Variants in CPE observed in about 807,000 individuals in gnomAD.
CPE encodes carboxypeptidase E.
Under a neutral mutation model 53.5 loss-of-function variants are expected in CPE, and 17 were observed. The observed-to-expected ratio is 0.32, with a 90% confidence interval of 0.22 to 0.48. The LOEUF is 0.48. Ranked by LOEUF, CPE falls within the 20% of genes least tolerant of loss-of-function variation. The pLI, the probability that CPE is intolerant of heterozygous loss-of-function variation, is 0.99. For missense variants in CPE, 524 were observed against 614.7 expected (o/e 0.85, Z 1.56); for synonymous variants, 226 against 228.8 (o/e 0.99, Z 0.11).
At chr4:165,488,035 C>T (rs572532062) in intron 6 of CPE, among the ~76,000 whole-genome samples, 1 of 152,200 alleles carries the variant, frequency 6.6e-6, no homozygotes, top group East Asian at 1.9e-4. Context: ...CCTCATCTTT[C>T]TCACCCTAGA....
In CPE at chr4:165,493,235, T is replaced by C; in HGVS notation, c.1178T>C (p.Ile393Thr). The C allele has an allele frequency of 6.2e-7, 1 of 1,614,080 alleles. No homozygotes were observed. The highest frequency in any genetic ancestry group is 8.5e-7 in the Non-Finnish European group (1 of 1,179,948). The change falls in exon 7 of 9, where the codon ATC (isoleucine) becomes ACC (threonine). Residue 393 changes from isoleucine to threonine, a missense_variant. By Grantham distance (89) the Ile-to-Thr change is moderately conservative (BLOSUM62 -1). Transcript: ENST00000402744. ...LQGNPIANAT[I>T]SVEGIDHDVT... ...GGTAACCCAATTGCGAATGCCACCA[T>C]CTCCGTGGAAGGAATAGACCACGAT...
At chr4:165,461,963 G>A (rs150526711) in intron 1 of CPE, among the ~76,000 whole-genome samples, 129 of 152,216 alleles carry the variant, frequency 8.5e-4, no homozygotes, top group African/African-American at 3.0e-3. Context: ...TTTTATTTCC[G>A]TACATTAGTA....
intron 1 of CPE, among the ~76,000 whole-genome samples, chr4:165,449,502 T>C (rs1324718861): frequency 6.6e-6 from 1 of 152,152 alleles, no homozygotes; most frequent in Non-Finnish European, 1.5e-5. Flanking sequence ...ATGAGCGATA[T>C]GTAGATAGGA....
chr4:165,425,862 T>C (rs1007716269), intron 1 of CPE, among the ~76,000 whole-genome samples: 1 of 152,184 alleles, frequency 6.6e-6, no homozygotes, highest in African/African-American at 2.4e-5. Context: ...TAGATGCTGC[T>C]AAATATCCTA....
intron 1 of CPE, among the ~76,000 whole-genome samples, chr4:165,436,459 A>G (rs192399702): frequency 7.9e-5 from 12 of 152,300 alleles, no homozygotes; most frequent in Admixed American, 2.6e-4. Context: ...AGCATGATCT[A>G]TGTAATCAAT....
Position 165,402,495 on chromosome 4 carries a change from T to C in CPE, c.307+22967T>C, listed in dbSNP as rs139803855. On this transcript the variant is annotated intron_variant, in intron 1 of 8. Coordinates refer to ENST00000402744, the MANE Select transcript of CPE (RefSeq NM_001873.4). ...CGGAGCCTGTTGGGAGGTGTTTGGA[T>C]CACAGGGGCAGATTCTTCTTGAATG... 4.6e-4 allele frequency among the ~76,000 whole-genome samples: 70 copies of C among 152,292 alleles called. 1 individual carries two copies. The highest frequency in any genetic ancestry group is 1.5e-3 in the African/African-American group (61 of 41,560).
chr4:165,468,627 C>T (rs373801341), intron 3 of CPE, among the ~76,000 whole-genome samples: 2 of 152,196 alleles, frequency 1.3e-5, no homozygotes, highest in African/African-American at 2.4e-5. Context: ...GCGATTTGAT[C>T]TCTCTGACAC....
intron 1 of CPE, among the ~76,000 whole-genome samples, chr4:165,459,618 T>G (rs1176120437): frequency 7.9e-6 from 1 of 126,170 alleles, no homozygotes; most frequent in Admixed American, 9.6e-5. Context: ...AAAAAGAAAA[T>G]GAAGGCCGGG....
chr4:165,464,481 C>T lies in CPE; in HGVS notation c.399C>T (p.Asn133=). 1 of 1,613,918 alleles carries T rather than the reference C, an allele frequency of 6.2e-7. No homozygotes were observed. Among genetic ancestry groups the T allele is most frequent in the South Asian group, 1.1e-5 (1 of 91,060 alleles). ...TTTTCTTGGCCCAGTACCTATGCAA[C>T]GAATACCAGAAGGGGAACGAGACAA... ...LLIFLAQYLC[N]EYQKGNETIV... Residue 133 remains asparagine (N), a synonymous_variant, in exon 2 of 9, where the codon AAC becomes AAT. Coordinates refer to ENST00000402744, the MANE Select transcript of CPE (RefSeq NM_001873.4).
intron 1 of CPE, among the ~76,000 whole-genome samples, chr4:165,421,672 G>A (rs1459277867): frequency 1.3e-5 from 2 of 152,000 alleles, no homozygotes; most frequent in Non-Finnish European, 2.9e-5. Flanking sequence ...CTTAAAGTTT[G>A]ATTTAGGCTA....
At chr4:165,442,041 T>G (rs1168053687) in intron 1 of CPE, among the ~76,000 whole-genome samples, 4 of 104,700 alleles carry the variant, frequency 3.8e-5, no homozygotes, top group East Asian at 3.3e-4. Context: ...TTTTTGTTTT[T>G]TTTTTGTTTT....
At chr4:165,405,296 G>C in intron 1 of CPE, 1 of 1,193,038 alleles carries the variant, frequency 8.4e-7, no homozygotes, top group Middle Eastern at 2.5e-4. Flanking sequence ...CTTCTGTGGA[G>C]CTCCAGATGT....
intron 1 of CPE, among the ~76,000 whole-genome samples, chr4:165,431,259 C>A (rs75032204): frequency 7.9e-5 from 12 of 152,340 alleles, no homozygotes; most frequent in Non-Finnish European, 1.6e-4. Flanking sequence ...GTACGTGATG[C>A]CACCTGGGTT....
chr4:165,464,648 A>T, intron 2 of CPE, 62 bp downstream of exon 2: 2 of 1,394,820 alleles, frequency 1.4e-6, no homozygotes, highest in Non-Finnish European at 1.9e-6. Context: ...TTGTACATAC[A>T]TGTTTATCTA....
chr4:165,477,885 C>A (rs753349778), intron 3 of CPE, among the ~76,000 whole-genome samples: 36 of 152,178 alleles, frequency 2.4e-4, no homozygotes, highest in Non-Finnish European at 2.9e-5. Context: ...GATCCATGCT[C>A]TCCTTGTTCT....
chr4:165,404,528 T>C (rs1481150837), intron 1 of CPE: 1 of 855,978 alleles, frequency 1.2e-6, no homozygotes, highest in Non-Finnish European at 2.0e-6. Context: ...ACCTCCAAAC[T>C]GCTCCCCAAA....
At chr4:165,465,884 T>G (rs1464279287) in intron 2 of CPE, among the ~76,000 whole-genome samples, 3 of 152,206 alleles carry the variant, frequency 2.0e-5, no homozygotes, top group African/African-American at 7.2e-5. Context: ...GCAATGAATA[T>G]TTTACTTAAA....
chr4:165,381,014 A>G (rs1178645191), intron 1 of CPE, among the ~76,000 whole-genome samples: 1 of 152,236 alleles, frequency 6.6e-6, no homozygotes, highest in African/African-American at 2.4e-5. Context: ...AAGCTAATGT[A>G]AGTATTTGTG....
chr4:165,391,910 A>G (rs17046389), intron 1 of CPE, among the ~76,000 whole-genome samples: 25,756 of 151,952 alleles, frequency 0.17, 2,315 homozygotes, highest in African/African-American at 0.23. Context: ...AAGATGCATA[A>G]GGTATGGAAA....
Sources: allele counts gnomAD v4.1 joint callset (sites outside exome capture counted in the v4.1 genomes callset), GRCh38; gene constraint gnomAD v4.1.1; transcripts MANE v1.5; gene names NCBI Gene and HGNC (gene_info 2026-07-23, HGNC 2026-07-21).